Variants in GRM4 observed in about 807,000 individuals in gnomAD.
The protein encoded by GRM4 is metabotropic glutamate receptor 4.
In GRM4, 28 loss-of-function variants were observed where a neutral mutation model predicts 81.7. The ratio of observed to expected loss-of-function variants is 0.34; its 90% CI spans 0.25 to 0.47. The LOEUF is 0.47. Ranked by LOEUF, GRM4 falls within the 20% of genes least tolerant of loss-of-function variation. GRM4 has a pLI of 1.00. For missense variants in GRM4, 948 were observed against 1,290.0 expected (o/e 0.73, Z 4.06); for synonymous variants, 488 against 528.8 (o/e 0.92, Z 1.06).
chr6:34,065,058 G>A (rs1766384700), intron 3 of GRM4, among the ~76,000 whole-genome samples: 1 of 152,094 alleles, frequency 6.6e-6, no homozygotes, highest in South Asian at 2.1e-4. Flanking sequence ...GAGAATAAAG[G>A]GGCAGTGTTT....
chr6:34,129,802 C>T (rs1157989461), intron 2 of GRM4, among the ~76,000 whole-genome samples: 1 of 152,180 alleles, frequency 6.6e-6, no homozygotes, highest in East Asian at 1.9e-4. Context: ...CAGCTCTGAG[C>T]CTTGTGAGTT....
At chr6:34,049,229 C>T (rs1401937174) in intron 6 of GRM4, among the ~76,000 whole-genome samples, 3 of 152,070 alleles carry the variant, frequency 2.0e-5, no homozygotes, top group Non-Finnish European at 2.9e-5. Context: ...AGGTCACAAT[C>T]GCCCCCCAGG....
intron 6 of GRM4, among the ~76,000 whole-genome samples, chr6:34,044,551 C>T (rs200108026): frequency 1.4e-5 from 2 of 145,170 alleles, no homozygotes; most frequent in Middle Eastern, 3.7e-3. Context: ...GACACACACA[C>T]AAACACACAG....
chr6:34,029,064 C>T (rs1764281064), intron 9 of GRM4, among the ~76,000 whole-genome samples: 1 of 152,216 alleles, frequency 6.6e-6, no homozygotes, highest in African/African-American at 2.4e-5. Context: ...AATAGTAGAG[C>T]CTTCCAGGCA....
At chr6:34,137,750 A>ATTTT (rs5875495) in intron 1 of GRM4, among the ~76,000 whole-genome samples, 5 of 103,710 alleles carry the variant, frequency 4.8e-5, no homozygotes, top group African/African-American at 1.0e-4. Flanking sequence ...TGCCCACATA[A>ATTTT]TTTTTTTTTT....
chr6:34,024,585 T>G (rs1360911270), intron 10 of GRM4: 1 of 444,698 alleles, frequency 2.2e-6, no homozygotes, highest in Non-Finnish European at 4.6e-6. Context: ...GCAAACTGCT[T>G]GAGGATGGGG....
intron 2 of GRM4, among the ~76,000 whole-genome samples, chr6:34,097,900 C>A (rs919995471): frequency 6.6e-6 from 1 of 152,236 alleles, no homozygotes; most frequent in Admixed American, 6.5e-5. Flanking sequence ...CAGGGGCTAC[C>A]TGACAAAGCC....
In GRM4 at chr6:34,133,244, C is replaced by T. The variant is rs762631940; in HGVS notation, c.253G>A (p.Ala85Thr). 9 of 1,614,098 alleles carry T rather than the reference C, an allele frequency of 5.6e-6. No individual in the cohort carries two copies. In the East Asian group the frequency reaches 8.9e-5, roughly 16 times the overall value. ...GIHRLEAMLF[A>T]LDRINNDPDL... Reference sequence around the variant, plus strand: ...GGGTCGTTGTTGATGCGATCCAGGGCGAACAGCATGGCCTCCAGCCGGTGG... The same window carrying T: ...GGGTCGTTGTTGATGCGATCCAGGGTGAACAGCATGGCCTCCAGCCGGTGG... Residue 85 changes from alanine to threonine, a missense_variant, in exon 2 of 11, where the codon GCC becomes ACC. Ala to Thr is a moderately conservative substitution (Grantham distance 58). Coordinates refer to ENST00000538487, the MANE Select transcript of GRM4 (RefSeq NM_000841.4). The surrounding 1 kb of genome is among the most constrained non-coding windows in gnomAD (Gnocchi z 6.5).
In GRM4 at chr6:34,092,138, T is replaced by C. The variant is rs761684450; in HGVS notation, c.520-39A>G. ...GGGGCTGCTGAGGGTGGCGACTGGC[T>C]CCCCACCCTGCCTAGCCAGCCCCAT... On this transcript the variant is annotated intron_variant, in intron 2 of 10. Transcript: ENST00000538487. This position sits in a 1 kb window ranked among gnomAD's most constrained non-coding sequence, Gnocchi z 6.8. The C allele has an allele frequency of 2.8e-6, 4 of 1,406,922 alleles. No homozygotes were observed. Among genetic ancestry groups the C allele is most frequent in the Non-Finnish European group, 4.0e-6 (4 of 1,008,022 alleles). 87.2% of individuals were successfully genotyped at this position (1,406,922 alleles called of 1,614,324 possible).
At chr6:34,075,629 T>C (rs937038) in intron 3 of GRM4, among the ~76,000 whole-genome samples, 9,970 of 152,300 alleles carry the variant, frequency 0.065, 705 homozygotes, top group African/African-American at 0.18. Flanking sequence ...CCAGCTCTGC[T>C]ACTTCTTAGC....
Position 34,040,274 on chromosome 6 carries a change from A to G in GRM4, c.1410T>C (p.Asp470=). 6.2e-7 allele frequency: 1 copy of G among 1,614,212 alleles called. No homozygotes were observed. The highest frequency in any genetic ancestry group is 8.5e-7 in the Non-Finnish European group (1 of 1,179,996). Residue 470 remains aspartate, a synonymous_variant, in exon 8 of 11, where the codon GAT becomes GAC. Transcript: ENST00000538487. ...GGTAGATGTCATAGCGCCCAGGCGCATCTCCATTCTCATTGAAGGTCACAG... is the reference window on the plus strand; with the variant it reads ...GGTAGATGTCATAGCGCCCAGGCGCGTCTCCATTCTCATTGAAGGTCACAG... The part of the protein sequence containing the change: ...GNPVTFNENG[D]APGRYDIYQY...
intron 2 of GRM4, among the ~76,000 whole-genome samples, chr6:34,128,847 G>GC (rs1464484376): frequency 1.3e-5 from 2 of 151,996 alleles, no homozygotes; most frequent in Admixed American, 6.6e-5. Context: ...GCTGTGCAGC[G>GC]CCCCCTTCTC....
chr6:34,111,303 A>C lies in GRM4; in HGVS notation c.520-19204T>G, dbSNP rs929732344. Among the ~76,000 whole-genome samples the C allele has an allele frequency of 5.3e-5, 8 of 151,820 alleles. No homozygotes were observed. Among genetic ancestry groups the C allele is most frequent in the Non-Finnish European group, 1.0e-4 (7 of 67,976 alleles). On this transcript the variant is annotated intron_variant, in intron 2 of 10. Coordinates refer to ENST00000538487, the MANE Select transcript of GRM4 (RefSeq NM_000841.4). This position sits in a 1 kb window ranked among gnomAD's most constrained non-coding sequence, Gnocchi z 5.1. ...AGCTCACACAGGTGTGCCCACACAC[A>C]TATGAGGAGCCACTCCTTGAGTCCC...
At chr6:34,144,754 C>T (rs958977592) in intron 1 of GRM4, among the ~76,000 whole-genome samples, 2 of 152,182 alleles carry the variant, frequency 1.3e-5, no homozygotes, top group Admixed American at 6.5e-5. Context: ...GCCGCCGCCC[C>T]CACCTGAAAG....
chr6:34,092,208 C>A lies in GRM4; in HGVS notation c.520-109G>T. Reference sequence around the variant, plus strand: ...CCTTTGGTCCCCACAGCCTTGGGACCACCACAGCCCACCCCTCCCCATGGG... The same window carrying A: ...CCTTTGGTCCCCACAGCCTTGGGACAACCACAGCCCACCCCTCCCCATGGG... On this transcript the variant is annotated intron_variant, in intron 2 of 10. Transcript: ENST00000538487. This position sits in a 1 kb window ranked among gnomAD's most constrained non-coding sequence, Gnocchi z 6.8. The A allele has an allele frequency of 1.5e-6, 1 of 674,754 alleles. No individual in the cohort carries two copies. The allele number at this position is 674,754 out of a possible 1,614,324, so 41.8% of individuals were successfully genotyped here.
At chr6:34,146,924 T>C (rs1230283548), upstream of GRM4, among the ~76,000 whole-genome samples, 1 of 152,206 alleles carries the variant, frequency 6.6e-6, no homozygotes, top group Non-Finnish European at 1.5e-5. Flanking sequence ...TTTTCCATGC[T>C]CCTGCCCTTT....
chr6:34,083,272 G>A (rs2127480003), intron 3 of GRM4, among the ~76,000 whole-genome samples: 1 of 152,314 alleles, frequency 6.6e-6, no homozygotes, highest in East Asian at 1.9e-4. Context: ...ACAAAATGCA[G>A]AGGTGTCAGG....
chr6:34,102,247 A>T, intron 2 of GRM4: 1 of 1,130,294 alleles, frequency 8.8e-7, no homozygotes, highest in Non-Finnish European at 1.3e-6. Flanking sequence ...AAGTGCTAAT[A>T]AAATGCCCTT....
intron 6 of GRM4, among the ~76,000 whole-genome samples, chr6:34,050,731 G>C (rs775013681): frequency 6.6e-6 from 1 of 152,172 alleles, no homozygotes; most frequent in Admixed American, 6.5e-5. Context: ...TTTCCTCCAA[G>C]AGGCCTCCAG....
Sources: allele counts gnomAD v4.1 joint callset (sites outside exome capture counted in the v4.1 genomes callset), GRCh38; gene constraint gnomAD v4.1.1; non-coding constraint Gnocchi (gnomAD v3.1); transcripts MANE v1.5; gene names NCBI Gene and HGNC (gene_info 2026-07-23, HGNC 2026-07-21).